Variants in CDK6 observed in about 807,000 individuals in gnomAD.
The protein encoded by CDK6 is cyclin dependent kinase 6, also known as cyclin-dependent kinase 6.
A neutral mutation model predicts 37.1 loss-of-function variants in CDK6; 6 were observed. That is an observed-to-expected ratio of 0.16 (90% CI 0.09 to 0.32). The LOEUF (loss-of-function observed/expected upper bound fraction) is 0.32. Ranked by LOEUF, CDK6 falls within the 10% of genes least tolerant of loss-of-function variation. The pLI, the probability that CDK6 is intolerant of heterozygous loss-of-function variation, is 1.00. For synonymous variants in CDK6, 160 were observed against 161.3 expected, an observed-to-expected ratio of 0.99 and a Z score of 0.06; for missense variants, 224 against 418.9, an observed-to-expected ratio of 0.53 and a Z score of 4.06.
intron 4 of CDK6, among the ~76,000 whole-genome samples, chr7:92,679,866 G>A (rs1012727855): frequency 5.9e-5 from 9 of 151,760 alleles, no homozygotes; most frequent in East Asian, 2.0e-4. Context: ...GATTACAGGC[G>A]TGCACCACCA....
intron 3 of CDK6, among the ~76,000 whole-genome samples, chr7:92,739,903 T>C (rs1416299097): frequency 6.6e-6 from 1 of 152,112 alleles, no homozygotes; most frequent in Non-Finnish European, 1.5e-5. Flanking sequence ...TATAGGCACA[T>C]GCCACTATGC....
At chr7:92,823,333 T>C (rs899940888) in intron 2 of CDK6, among the ~76,000 whole-genome samples, 3 of 151,568 alleles carry the variant, frequency 2.0e-5, no homozygotes, top group African/African-American at 7.3e-5. Flanking sequence ...TGGCATCAGT[T>C]CTCATCTAAT....
intron 3 of CDK6, among the ~76,000 whole-genome samples, chr7:92,734,448 C>T (rs530404571): frequency 1.0e-3 from 154 of 152,332 alleles, no homozygotes; most frequent in South Asian, 1.9e-3. Flanking sequence ...CCTCCTGGTA[C>T]TCTGTGGATT....
At chr7:92,825,674 C>T (rs1801294316) in intron 2 of CDK6, among the ~76,000 whole-genome samples, 1 of 152,048 alleles carries the variant, frequency 6.6e-6, no homozygotes, top group Non-Finnish European at 1.5e-5. Flanking sequence ...AAGGTTTTAC[C>T]TAATTCTGCT....
At chr7:92,723,932 A>C (rs1798445799) in intron 4 of CDK6, among the ~76,000 whole-genome samples, 2 of 151,746 alleles carry the variant, frequency 1.3e-5, no homozygotes, top group South Asian at 4.2e-4. Context: ...AAAAAAATCA[A>C]ACACAAACCA....
chr7:92,753,081 A>T (rs1262409469), intron 3 of CDK6, among the ~76,000 whole-genome samples: 1 of 152,150 alleles, frequency 6.6e-6, no homozygotes, highest in Non-Finnish European at 1.5e-5. Flanking sequence ...TCTGAACATC[A>T]AATTGTGACC....
At chr7:92,742,969 C>T (rs532392795) in intron 3 of CDK6, among the ~76,000 whole-genome samples, 7 of 151,636 alleles carry the variant, frequency 4.6e-5, no homozygotes, top group African/African-American at 1.7e-4. Flanking sequence ...AGTAGGGAAA[C>T]ATTTTGTCTC....
intron 3 of CDK6, among the ~76,000 whole-genome samples, chr7:92,746,766 T>A (rs1196879422): frequency 6.6e-6 from 1 of 152,202 alleles, no homozygotes; most frequent in Non-Finnish European, 1.5e-5. Context: ...CTTTTTATTT[T>A]TTTTGCTTGC....
chr7:92,628,277 T>C (rs1274017159), intron 5 of CDK6, among the ~76,000 whole-genome samples: 1 of 145,464 alleles, frequency 6.9e-6, no homozygotes, highest in African/African-American at 2.5e-5. Flanking sequence ...GTGTTAGTTT[T>C]AAAATCAGAA....
At chr7:92,685,509 C>T (rs1797429991) in intron 4 of CDK6, among the ~76,000 whole-genome samples, 1 of 152,176 alleles carries the variant, frequency 6.6e-6, no homozygotes, top group African/African-American at 2.4e-5. Context: ...AATGTTACTG[C>T]TTTCTAGAAA....
At chr7:92,642,377 A>G (rs1209254815) in intron 5 of CDK6, among the ~76,000 whole-genome samples, 1 of 152,096 alleles carries the variant, frequency 6.6e-6, no homozygotes, top group Non-Finnish European at 1.5e-5. Context: ...TCACTTCACT[A>G]TTGAGTCATT....
At chr7:92,799,520 C>T (rs1260327520) in intron 2 of CDK6, among the ~76,000 whole-genome samples, 2 of 150,508 alleles carry the variant, frequency 1.3e-5, no homozygotes, top group Non-Finnish European at 3.0e-5. Context: ...ACTTAAAATA[C>T]AGGATTTCTT....
rs1795444289 is a variant in CDK6 at position 92,607,019 on chromosome 7, A to G, written c.*8121T>C. The G allele has an allele frequency of 4.3e-6, 1 of 233,150 alleles. No individual in the cohort carries two copies. The highest frequency in any genetic ancestry group is 8.5e-6 in the Non-Finnish European group (1 of 117,976). The allele number at this position is 233,150 out of a possible 1,614,324, so 14.4% of individuals were successfully genotyped here. ...TATTTTATAATAAATTATACAGGCAATCCTTGCTTTTTATTACCACACTGG... is the reference window on the plus strand; with the variant it reads ...TATTTTATAATAAATTATACAGGCAGTCCTTGCTTTTTATTACCACACTGG... On this transcript the variant is annotated 3_prime_UTR_variant, in exon 8 of 8. Transcript: ENST00000424848.
chr7:92,823,418 C>T (rs1801224739), intron 2 of CDK6, among the ~76,000 whole-genome samples: 3 of 135,496 alleles, frequency 2.2e-5, no homozygotes, highest in African/African-American at 8.6e-5. Flanking sequence ...AGAATGTTAC[C>T]ACTCTTCTTT....
intron 4 of CDK6, among the ~76,000 whole-genome samples, chr7:92,671,832 T>C (rs1053559811): frequency 2.0e-5 from 3 of 151,868 alleles, no homozygotes; most frequent in African/African-American, 7.3e-5. Context: ...AGAAACCGTT[T>C]TTTTTCTCCC....
intron 5 of CDK6, among the ~76,000 whole-genome samples, chr7:92,655,612 T>C (rs568526526): frequency 6.6e-6 from 1 of 152,238 alleles, no homozygotes; most frequent in East Asian, 1.9e-4. Context: ...GCAAACACAT[T>C]TGGCACGCTC....
rs370144245 is a variant in CDK6, at chr7:92,733,469, C to CT, written c.370-7677dup. Reference sequence around the variant, plus strand: ...TAATACTCATGCAGATGGTTAGTCTCTGTTTTCTAAATGGAATGCGAATGC... The same window carrying CT: ...TAATACTCATGCAGATGGTTAGTCTCTTGTTTTCTAAATGGAATGCGAATGC... On this transcript the variant is annotated intron_variant, in intron 3 of 7. Transcript: ENST00000424848. 1.1e-3 allele frequency among the ~76,000 whole-genome samples: 161 copies of CT among 152,296 alleles called. 1 individual carries two copies. Among genetic ancestry groups the CT allele is most frequent in the African/African-American group, 3.7e-3 (153 of 41,570 alleles).
At chr7:92,651,478 C>A (rs898097951) in intron 5 of CDK6, among the ~76,000 whole-genome samples, 4 of 152,142 alleles carry the variant, frequency 2.6e-5, no homozygotes, top group Non-Finnish European at 4.4e-5. Context: ...AAGAATTTCA[C>A]TGACATTAAA....
At chr7:92,653,601 A>C (rs1562925681) in intron 5 of CDK6, among the ~76,000 whole-genome samples, 1 of 152,164 alleles carries the variant, frequency 6.6e-6, no homozygotes, top group East Asian at 1.9e-4. Flanking sequence ...ATCCAGAATG[A>C]GTTTTCTGTA....
Sources: allele counts gnomAD v4.1 joint callset (sites outside exome capture counted in the v4.1 genomes callset), GRCh38; gene constraint gnomAD v4.1.1; transcripts MANE v1.5; gene names NCBI Gene and HGNC (gene_info 2026-07-23, HGNC 2026-07-21).